FILIP1: variants seen among roughly 807,000 people sequenced by gnomAD.
FILIP1 encodes the protein filamin A interacting protein 1.
Under a neutral mutation model 102.1 loss-of-function variants are expected in FILIP1, and 61 were observed. The observed-to-expected ratio is 0.60, with a 90% CI of 0.49 to 0.74. FILIP1 has a LOEUF of 0.74. FILIP1 is among the 30% of genes least tolerant of loss of function. FILIP1 has a pLI of 0.00. For synonymous variants in FILIP1, 491 were observed against 526.9 expected (o/e 0.93, Z 0.93); for missense variants, 1,314 against 1,441.2 (o/e 0.91, Z 1.43).
intron 1 of FILIP1, chr6:75,465,366 T>C: frequency 2.2e-6 from 1 of 460,304 alleles, no homozygotes; most frequent in Non-Finnish European, 3.9e-6. Context: ...GCAGCCCTTT[T>C]GTAAGATTTG....
In FILIP1 at chr6:75,485,225, T is replaced by C. The variant is rs77655194; in HGVS notation, c.-7+8189A>G. On this transcript the variant is annotated intron_variant, in intron 1 of 5. Transcript: ENST00000237172. ...GTGAAATGTAACACATCTCTGCCTT[T>C]ACTTCTTTTTCATTGACTTGGATTA... is the stretch of plus-strand genomic sequence containing the variant. Among the ~76,000 whole-genome samples, 354 of 152,336 alleles carry C rather than the reference T, an allele frequency of 2.3e-3. 4 individuals carry two copies. Among genetic ancestry groups the C allele is most frequent in the East Asian group, 0.017 (90 of 5,186 alleles).
intron 2 of FILIP1, among the ~76,000 whole-genome samples, chr6:75,412,501 C>T (rs1777112911): frequency 1.3e-5 from 2 of 152,106 alleles, no homozygotes; most frequent in South Asian, 2.1e-4. Context: ...TGCCGGTTTT[C>T]AAAGGGAATG....
intron 2 of FILIP1, among the ~76,000 whole-genome samples, chr6:75,411,295 T>C (rs1372741475): frequency 6.6e-6 from 1 of 152,234 alleles, no homozygotes; most frequent in Non-Finnish European, 1.5e-5. Context: ...TTGTTTAAGT[T>C]CCTTGTAGAT....
chr6:75,426,744 C>T (rs188631008), intron 1 of FILIP1, among the ~76,000 whole-genome samples: 93 of 136,354 alleles, frequency 6.8e-4, no homozygotes, highest in Non-Finnish European at 1.1e-3. Context: ...ACTACTTCAA[C>T]AGAGGCCAAG....
intron 1 of FILIP1, among the ~76,000 whole-genome samples, chr6:75,415,409 T>C (rs1217279671): frequency 6.6e-6 from 1 of 151,464 alleles, no homozygotes; most frequent in Non-Finnish European, 1.5e-5. Context: ...CAATAAAAAC[T>C]GTTCTAAAAT....
At chr6:75,306,482 C>T (rs970206886), downstream of FILIP1, among the ~76,000 whole-genome samples, 1 of 152,152 alleles carries the variant, frequency 6.6e-6, no homozygotes, top group African/African-American at 2.4e-5. Context: ...AAATACAATA[C>T]GTTATGGTAC....
downstream of FILIP1, among the ~76,000 whole-genome samples, chr6:75,303,752 G>GGA (rs137957853): frequency 0.022 from 3,278 of 147,568 alleles, 71 homozygotes; most frequent in African/African-American, 0.058. Context: ...AGAGAAAGAG[G>GGA]GAGAGAGAGA....
intron 1 of FILIP1, among the ~76,000 whole-genome samples, chr6:75,470,995 G>T (rs752760660): frequency 6.6e-6 from 1 of 151,512 alleles, no homozygotes; most frequent in Non-Finnish European, 1.5e-5. Flanking sequence ...ACCCATCTCT[G>T]CTAAAAATAA....
At chr6:75,394,168 A>C (rs1009198955) in intron 2 of FILIP1, among the ~76,000 whole-genome samples, 2 of 152,132 alleles carry the variant, frequency 1.3e-5, no homozygotes, top group African/African-American at 4.8e-5. Flanking sequence ...TGTGTAACCA[A>C]ATCCCTATTA....
At position 75,353,662 on chromosome 6, in the gene FILIP1, A is replaced by AGCT; in HGVS notation, c.503_505dup (p.Gln168dup). On this transcript the variant is annotated inframe_insertion, in exon 4 of 6. Coordinates refer to ENST00000237172, the MANE Select transcript of FILIP1 (RefSeq NM_015687.5). ...CCTATGACACTTCTCGGCCAGCAAC[A>AGCT]GCTGCTCTAGCATGCGCCGGTAGGT... The AGCT allele has an allele frequency of 6.2e-7, 1 of 1,614,182 alleles. No individual in the cohort carries two copies. The highest frequency in any genetic ancestry group is 8.5e-7 in the Non-Finnish European group (1 of 1,180,040).
chr6:75,403,979 T>G (rs753597045), intron 2 of FILIP1, among the ~76,000 whole-genome samples: 3 of 152,158 alleles, frequency 2.0e-5, no homozygotes, highest in Non-Finnish European at 4.4e-5. Flanking sequence ...GGTTTCAACT[T>G]TTAATGGGAG....
rs968504011 is a variant in FILIP1 at position 75,319,615 on chromosome 6, G to A, written c.630-4413C>T. Reference sequence around the variant, plus strand: ...GGAGGCCGAGGCTGGCGGATCACAAGGTCAGGAGATCGAGACCATCCTGGC... The same window carrying A: ...GGAGGCCGAGGCTGGCGGATCACAAAGTCAGGAGATCGAGACCATCCTGGC... On this transcript the variant is annotated intron_variant, in intron 4 of 5. Transcript: ENST00000237172. 9.9e-5 allele frequency: 44 copies of A among 442,998 alleles called. 1 individual carries two copies. The Admixed American group carries it at 1.1e-3, about 11-fold the overall frequency. 27.4% of individuals were successfully genotyped at this position (442,998 alleles called of 1,614,324 possible). A position where few individuals can be genotyped will look rare whatever the true frequency, so the allele number is the denominator to read the frequency against.
At chr6:75,457,623 TC>T (rs1778884842) in intron 1 of FILIP1, among the ~76,000 whole-genome samples, 1 of 151,818 alleles carries the variant, frequency 6.6e-6, no homozygotes, top group Non-Finnish European at 1.5e-5. Flanking sequence ...TCTCTCTCTC[TC>T]TCTCTCTCTC....
At chr6:75,384,892 T>G (rs959124572) in intron 2 of FILIP1, 5 of 150,126 alleles carry the variant, frequency 3.3e-5, no homozygotes, top group Non-Finnish European at 5.9e-5. Flanking sequence ...CCTCCAAGGC[T>G]CAATTGATCC....
downstream of FILIP1, among the ~76,000 whole-genome samples, chr6:75,305,340 A>C (rs1772955659): frequency 6.6e-6 from 1 of 152,170 alleles, no homozygotes; most frequent in Non-Finnish European, 1.5e-5. Context: ...AGAAATTTAA[A>C]TATTTTTACA....
At chr6:75,339,634 G>A (rs1774354793) in intron 4 of FILIP1, among the ~76,000 whole-genome samples, 1 of 152,152 alleles carries the variant, frequency 6.6e-6, no homozygotes, top group Non-Finnish European at 1.5e-5. Flanking sequence ...TTTAAGCTGT[G>A]TTTAATCCTT....
At chr6:75,492,364 T>C (rs1330881609) in intron 1 of FILIP1, among the ~76,000 whole-genome samples, 1 of 152,218 alleles carries the variant, frequency 6.6e-6, no homozygotes, top group Non-Finnish European at 1.5e-5. Flanking sequence ...GAATAGACTT[T>C]AAAAATTCCA....
chr6:75,480,145 G>A (rs1019639561), intron 1 of FILIP1, among the ~76,000 whole-genome samples: 26 of 149,608 alleles, frequency 1.7e-4, no homozygotes, highest in African/African-American at 6.1e-4. Context: ...TCCATCTAGT[G>A]CATATTTTAG....
intron 3 of FILIP1, among the ~76,000 whole-genome samples, chr6:75,361,593 C>T (rs1189032660): frequency 6.6e-6 from 1 of 152,186 alleles, no homozygotes; most frequent in Non-Finnish European, 1.5e-5. Flanking sequence ...ATTCTAATAA[C>T]TAATACTTGC....
Sources: allele counts gnomAD v4.1 joint callset (sites outside exome capture counted in the v4.1 genomes callset), GRCh38; gene constraint gnomAD v4.1.1; transcripts MANE v1.5; gene names NCBI Gene and HGNC (gene_info 2026-07-23, HGNC 2026-07-21).